Variants in NEO1 observed in about 807,000 individuals in gnomAD.
NEO1 encodes neogenin.
In NEO1, 63 loss-of-function variants were observed where a neutral mutation model predicts 159.7. The observed-to-expected ratio is 0.39, with a 90% CI of 0.32 to 0.49. NEO1 has a LOEUF of 0.49. Ranked by LOEUF, NEO1 falls within the 20% of genes least tolerant of loss-of-function variation. The pLI, the probability that NEO1 is intolerant of heterozygous loss-of-function variation, is 0.85. For missense variants in NEO1, 1,615 were observed against 1,831.0 expected, an observed-to-expected ratio of 0.88 and a Z score of 2.15; for synonymous variants, 633 against 662.0, an observed-to-expected ratio of 0.96 and a Z score of 0.67.
chr15:73,203,768 T>C (rs1349949988), intron 7 of NEO1, among the ~76,000 whole-genome samples: 5 of 152,128 alleles, frequency 3.3e-5, no homozygotes, highest in Non-Finnish European at 7.4e-5. Flanking sequence ...TCCCATCCCT[T>C]GTAATAGTGC....
At chr15:73,202,820 T>G (rs1263239760) in intron 7 of NEO1, among the ~76,000 whole-genome samples, 1 of 152,178 alleles carries the variant, frequency 6.6e-6, no homozygotes, top group Non-Finnish European at 1.5e-5. Context: ...CCCTTTTACC[T>G]TCTATTTCTA....
At chr15:73,167,152 C>CCTAA (rs1380400458) in intron 5 of NEO1, among the ~76,000 whole-genome samples, 1 of 149,626 alleles carries the variant, frequency 6.7e-6, no homozygotes, top group African/African-American at 2.5e-5. Flanking sequence ...GGAGGGATAG[C>CCTAA]ATTAGGAGAT....
intron 1 of NEO1, among the ~76,000 whole-genome samples, chr15:73,085,390 G>T (rs894717901): frequency 1.1e-4 from 17 of 152,172 alleles, no homozygotes; most frequent in Non-Finnish European, 2.4e-4. Context: ...CAACTGGGTT[G>T]CCAGCAGTTC....
chr15:73,071,357 G>A (rs1226528372), intron 1 of NEO1, among the ~76,000 whole-genome samples: 3 of 152,290 alleles, frequency 2.0e-5, no homozygotes, highest in East Asian at 1.9e-4. Flanking sequence ...GATGGATTTT[G>A]TATTCATAAA....
At chr15:73,218,042 A>G (rs1350433965) in intron 7 of NEO1, among the ~76,000 whole-genome samples, 2 of 152,194 alleles carry the variant, frequency 1.3e-5, no homozygotes, top group Admixed American at 6.5e-5. Flanking sequence ...TTGCCCATTC[A>G]GTATGATAGT....
At chr15:73,192,111 A>G (rs1212699656) in intron 7 of NEO1, among the ~76,000 whole-genome samples, 1 of 152,058 alleles carries the variant, frequency 6.6e-6, no homozygotes, top group African/African-American at 2.4e-5. Flanking sequence ...CTTAAATAAA[A>G]GTACTACTCT....
At chr15:73,190,660 G>A (rs372411863) in intron 7 of NEO1, among the ~76,000 whole-genome samples, 8 of 152,248 alleles carry the variant, frequency 5.3e-5, no homozygotes, top group African/African-American at 1.2e-4. Flanking sequence ...GCACTAGGAT[G>A]TACAGTAGTT....
Position 73,122,568 on chromosome 15 carries a change from T to C in NEO1, c.492T>C (p.Tyr164=), listed in dbSNP as rs747397904. 2 of 1,614,192 alleles carry C rather than the reference T, an allele frequency of 1.2e-6. No homozygotes were observed. The highest frequency in any genetic ancestry group is 1.7e-6 in the Non-Finnish European group (2 of 1,179,992). The change falls in exon 3 of 29, where the codon TAT becomes TAC. Residue 164 remains tyrosine, a synonymous_variant. Transcript: ENST00000261908. The stretch of plus-strand genomic sequence containing the variant: ...GCCAACCAGAACCTTCCTCAGTTTA[T>C]GCTGGGAACAATGCAATTCTGAATT... ...FTSQPEPSSV[Y]AGNNAILNCE...
chr15:73,214,650 G>A (rs994708057), intron 7 of NEO1, among the ~76,000 whole-genome samples: 1 of 152,148 alleles, frequency 6.6e-6, no homozygotes, highest in African/African-American at 2.4e-5. Context: ...TTTTTTAGCA[G>A]TACCATGCTG....
chr15:73,207,021 G>A (rs2037277537), intron 7 of NEO1, among the ~76,000 whole-genome samples: 1 of 152,086 alleles, frequency 6.6e-6, no homozygotes. Flanking sequence ...CACACCCAGT[G>A]ACATCCCTTG....
chr15:73,293,324 A>T, intron 25 of NEO1, 66 bp from the exon 26 acceptor site: 1 of 1,592,308 alleles, frequency 6.3e-7, no homozygotes, highest in East Asian at 2.2e-5. Flanking sequence ...CTTTGCTCTT[A>T]AACTGTGATT....
intron 7 of NEO1, among the ~76,000 whole-genome samples, chr15:73,217,480 G>A (rs1003410826): frequency 1.3e-5 from 2 of 151,996 alleles, no homozygotes; most frequent in African/African-American, 4.8e-5. Context: ...GTCATTGGTA[G>A]CTTGATGGGG....
intron 7 of NEO1, among the ~76,000 whole-genome samples, chr15:73,181,495 C>G (rs933219214): frequency 4.6e-5 from 7 of 152,146 alleles, no homozygotes; most frequent in Non-Finnish European, 1.0e-4. Context: ...CCCAGTTCCA[C>G]AGGCTGTACA....
At chr15:73,102,569 CTCTA>C (rs950684915) in intron 1 of NEO1, among the ~76,000 whole-genome samples, 1 of 152,144 alleles carries the variant, frequency 6.6e-6, no homozygotes, top group Non-Finnish European at 1.5e-5. Context: ...ATGGGGGTCT[CTCTA>C]TCTAATGAAT....
chr15:73,098,168 G>A (rs2070189110), intron 1 of NEO1, among the ~76,000 whole-genome samples: 1 of 151,796 alleles, frequency 6.6e-6, no homozygotes, highest in Non-Finnish European at 1.5e-5. Context: ...AAATTTTTTT[G>A]CAGTTCTTTT....
chr15:73,294,798 C>A (rs1361779901), intron 26 of NEO1, among the ~76,000 whole-genome samples: 2 of 152,048 alleles, frequency 1.3e-5, no homozygotes, highest in Non-Finnish European at 2.9e-5. Context: ...CATTGGCCTC[C>A]CAAAGTGCTG....
intron 3 of NEO1, among the ~76,000 whole-genome samples, chr15:73,125,034 C>T (rs926686704): frequency 1.3e-5 from 2 of 152,172 alleles, no homozygotes; most frequent in African/African-American, 2.4e-5. Flanking sequence ...CTTCTCAACA[C>T]CTAGGGTAGC....
chr15:73,185,371 T>C (rs375859591), intron 7 of NEO1, among the ~76,000 whole-genome samples: 18 of 152,318 alleles, frequency 1.2e-4, no homozygotes, highest in African/African-American at 3.1e-4. Context: ...AAACTATGCA[T>C]GTGTAGGGCA....
chr15:73,288,459 C>A lies in NEO1; in HGVS notation c.3557C>A (p.Thr1186Asn). 6.2e-7 allele frequency: 1 copy of A among 1,614,154 alleles called. No homozygotes were observed. Among genetic ancestry groups the A allele is most frequent in the Admixed American group, 1.7e-5 (1 of 60,022 alleles). ...DKSPDPNPIM[T>N]DTPIPRNSQD... ...TCTCCAGACCCAAACCCCATCATGA[C>A]TGATACTCCAATTCCTCGCAACTCT... The change falls in exon 24 of 29, where the codon ACT becomes AAT. Residue 1186 changes from threonine (T) to asparagine (N), a missense_variant. By Grantham distance (65) the Thr-to-Asn change is moderately conservative. This residue lies in a region of NEO1 where 471 missense variants were observed against 498.9 expected (regional missense o/e 0.94). Coordinates refer to ENST00000261908, the MANE Select transcript of NEO1 (RefSeq NM_002499.4).
Sources: gnomAD v4.1 joint callset for allele counts (sites outside exome capture counted in the v4.1 genomes callset) on GRCh38, gnomAD v4.1.1 for gene constraint, gnomAD v4.1.1 regional missense constraint, MANE v1.5 for transcripts, NCBI Gene and HGNC (gene_info 2026-07-23, HGNC 2026-07-21) for gene names.